Variants in GRIA1 observed in about 807,000 individuals in gnomAD.
GRIA1 encodes glutamate receptor 1.
Under a neutral mutation model 99.2 loss-of-function variants are expected in GRIA1, and 31 were observed. The observed-to-expected ratio is 0.31, with a 90% CI of 0.23 to 0.42. The LOEUF (loss-of-function observed/expected upper bound fraction) is 0.42, where lower values mean the gene tolerates loss of function less well. Among genes scored for constraint, GRIA1 ranks in the 10% least tolerant of loss-of-function variants. The pLI is 1.00. For missense variants in GRIA1, 782 were observed against 1,157.5 expected, an observed-to-expected ratio of 0.68 and a Z score of 4.71; for synonymous variants, 438 against 432.4, an observed-to-expected ratio of 1.01 and a Z score of -0.16.
intron 11 of GRIA1, among the ~76,000 whole-genome samples, chr5:153,757,818 G>A (rs1762928370): frequency 6.6e-6 from 1 of 152,036 alleles, no homozygotes; most frequent in African/African-American, 2.4e-5. Flanking sequence ...TTTTTCAAAC[G>A]GGAAGAAAAG....
intron 13 of GRIA1, among the ~76,000 whole-genome samples, chr5:153,780,561 T>G (rs1764566917): frequency 6.6e-6 from 1 of 152,374 alleles, no homozygotes; most frequent in Non-Finnish European, 1.5e-5. Flanking sequence ...TACAAAGTGT[T>G]TAGCACAGTG....
At chr5:153,595,856 C>T (rs2149391253) in intron 2 of GRIA1, among the ~76,000 whole-genome samples, 1 of 151,228 alleles carries the variant, frequency 6.6e-6, no homozygotes, top group East Asian at 1.9e-4. Context: ...GAATGCTGGG[C>T]AGGCACATAG....
intron 5 of GRIA1, among the ~76,000 whole-genome samples, chr5:153,659,013 T>C (rs1472119152): frequency 6.6e-6 from 1 of 151,846 alleles, no homozygotes; most frequent in African/African-American, 2.4e-5. Context: ...AAAAACCTTG[T>C]TTTTTGTCCA....
At chr5:153,694,971 A>T (rs1006382664) in intron 8 of GRIA1, among the ~76,000 whole-genome samples, 9 of 151,132 alleles carry the variant, frequency 6.0e-5, no homozygotes, top group African/African-American at 2.2e-4. Context: ...ATGAACAAGA[A>T]GGAGGAGAAA....
At chr5:153,771,133 GC>G (rs1763857533) in intron 13 of GRIA1, among the ~76,000 whole-genome samples, 2 of 152,280 alleles carry the variant, frequency 1.3e-5, no homozygotes, top group South Asian at 4.2e-4. Context: ...TCATCTTCCA[GC>G]CCTTAGTTTC....
At chr5:153,777,415 TTTGACCTCACTGGG>T (rs1202971314) in intron 13 of GRIA1, among the ~76,000 whole-genome samples, 1 of 152,082 alleles carries the variant, frequency 6.6e-6, no homozygotes, top group East Asian at 1.9e-4. Flanking sequence ...CTTGCCAGAG[TTTGACCTCACTGGG>T]TAAGTCACTA....
intron 2 of GRIA1, among the ~76,000 whole-genome samples, chr5:153,527,545 A>G (rs566474): frequency 0.35 from 53,780 of 152,010 alleles, 9,913 homozygotes; most frequent in African/African-American, 0.46. Context: ...AGGAGTGTGT[A>G]ACCTAAGTGG....
chr5:153,763,558 T>TA (rs1763319247), intron 11 of GRIA1, among the ~76,000 whole-genome samples: 1 of 152,208 alleles, frequency 6.6e-6, no homozygotes, highest in Non-Finnish European at 1.5e-5. Flanking sequence ...TTCATTATGA[T>TA]ATGATGCCCT....
chr5:153,627,149 T>C (rs1189361413), intron 2 of GRIA1, among the ~76,000 whole-genome samples: 1 of 152,242 alleles, frequency 6.6e-6, no homozygotes. Flanking sequence ...GATAATGTTA[T>C]TTATAAAACA....
chr5:153,570,613 G>T (rs1762029564), intron 2 of GRIA1, among the ~76,000 whole-genome samples: 1 of 152,100 alleles, frequency 6.6e-6, no homozygotes, highest in Non-Finnish European at 1.5e-5. Flanking sequence ...TGGCATAATG[G>T]TAAGCAGATA....
upstream of GRIA1, chr5:153,490,414 C>T (rs1193130498): frequency 5.5e-6 from 1 of 181,558 alleles, no homozygotes; most frequent in Non-Finnish European, 1.2e-5. Flanking sequence ...CACACCCCCA[C>T]CTCCACCTTT....
chr5:153,783,690 C>T (rs1223721089), intron 13 of GRIA1, among the ~76,000 whole-genome samples: 1 of 152,198 alleles, frequency 6.6e-6, no homozygotes, highest in African/African-American at 2.4e-5. Context: ...TATGGTTTAT[C>T]TCAGAAATTA....
intron 2 of GRIA1, among the ~76,000 whole-genome samples, chr5:153,580,706 TG>T (rs969554769): frequency 6.6e-6 from 1 of 152,146 alleles, no homozygotes; most frequent in Non-Finnish European, 1.5e-5. Flanking sequence ...TGCCAGTTTC[TG>T]GGGGGTCAGC....
At chr5:153,499,887 TC>T (rs1754821334) in intron 2 of GRIA1, among the ~76,000 whole-genome samples, 1 of 152,120 alleles carries the variant, frequency 6.6e-6, no homozygotes, top group Non-Finnish European at 1.5e-5. Flanking sequence ...CCTCCTCGCC[TC>T]CCCTCAACCA....
At chr5:153,734,696 T>C (rs1163522589) in intron 11 of GRIA1, among the ~76,000 whole-genome samples, 2 of 152,178 alleles carry the variant, frequency 1.3e-5, no homozygotes, top group African/African-American at 4.8e-5. Flanking sequence ...GCAGAGACCT[T>C]AACCCAGATC....
At chr5:153,724,125 C>A (rs1012007253) in intron 11 of GRIA1, among the ~76,000 whole-genome samples, 6 of 152,192 alleles carry the variant, frequency 3.9e-5, no homozygotes, top group African/African-American at 1.4e-4. Flanking sequence ...TGCTGTTACC[C>A]AGGCAAACAG....
At chr5:153,513,035 T>C (rs1756255667) in intron 2 of GRIA1, among the ~76,000 whole-genome samples, 1 of 152,198 alleles carries the variant, frequency 6.6e-6, no homozygotes, top group South Asian at 2.1e-4. Flanking sequence ...AACCTCACCA[T>C]AGTGGCACCA....
intron 2 of GRIA1, among the ~76,000 whole-genome samples, chr5:153,631,308 G>A (rs998160337): frequency 7.9e-5 from 12 of 152,174 alleles, no homozygotes; most frequent in Non-Finnish European, 1.5e-4. Context: ...TGAGTCAAAA[G>A]CTCCTGGCCA....
At chr5:153,636,748 C>T (rs572343794) in intron 2 of GRIA1, among the ~76,000 whole-genome samples, 1 of 152,210 alleles carries the variant, frequency 6.6e-6, no homozygotes, top group Non-Finnish European at 1.5e-5. Context: ...ATTGTATCCC[C>T]ACCCTGTGCT....
Sources: allele counts gnomAD v4.1 joint callset (sites outside exome capture counted in the v4.1 genomes callset), GRCh38; gene constraint gnomAD v4.1.1; transcripts MANE v1.5; gene names NCBI Gene and HGNC (gene_info 2026-07-23, HGNC 2026-07-21).